Variants in SFMBT2 observed in about 807,000 individuals in gnomAD.
SFMBT2 encodes scm-like with four MBT domains protein 2.
A neutral mutation model predicts 110.1 loss-of-function variants in SFMBT2; 38 were observed. That is an observed-to-expected ratio of 0.35 (90% confidence interval 0.27 to 0.45). The LOEUF (loss-of-function observed/expected upper bound fraction) is 0.45. SFMBT2 is among the 20% of genes least tolerant of loss of function. The probability of loss-of-function intolerance (pLI) is 1.00; values close to 1 mark genes in which losing one functional copy is unlikely to be tolerated. For missense variants in SFMBT2, 1,011 were observed against 1,094.9 expected (o/e 0.92, Z 1.08); for synonymous variants, 425 against 425.4 (o/e 1.00, Z 0.01).
At chr10:7,353,961 C>T (rs949803807) in intron 4 of SFMBT2, among the ~76,000 whole-genome samples, 9 of 151,774 alleles carry the variant, frequency 5.9e-5, no homozygotes, top group Middle Eastern at 6.8e-3. Flanking sequence ...GTGGTGCGTG[C>T]GTGTAATCTC....
Position 7,176,162 on chromosome 10 carries a change from G to A in SFMBT2, c.1812C>T (p.Tyr604=). The change falls in exon 17 of 21, where the codon TAC becomes TAT. Residue 604 remains tyrosine, a synonymous_variant. Transcript: ENST00000397167. The part of the protein sequence containing the change: ...NFQEETLKAK[Y]RGKTYRAVVK... ...CCACAGCCCTGTATGTTTTGCCTCT[G>A]TATCTAGAAAATAGGTGGGGAAGAA... 6.2e-7 allele frequency: 1 copy of A among 1,614,126 alleles called. No homozygotes were observed. Among genetic ancestry groups the A allele is most frequent in the Non-Finnish European group, 8.5e-7 (1 of 1,180,010 alleles).
At chr10:7,406,277 G>T (rs1328733963) in intron 1 of SFMBT2, among the ~76,000 whole-genome samples, 1 of 152,080 alleles carries the variant, frequency 6.6e-6, no homozygotes, top group Non-Finnish European at 1.5e-5. Context: ...AGAAAACTCT[G>T]ATAATCTGAC....
intron 4 of SFMBT2, among the ~76,000 whole-genome samples, chr10:7,363,537 G>A (rs541329070): frequency 3.9e-5 from 6 of 152,040 alleles, no homozygotes; most frequent in Non-Finnish European, 5.9e-5. Context: ...TAGTAGAGAC[G>A]GAGTTTCACC....
At chr10:7,277,911 A>G (rs1422044960) in intron 6 of SFMBT2, among the ~76,000 whole-genome samples, 1 of 152,234 alleles carries the variant, frequency 6.6e-6, no homozygotes, top group Non-Finnish European at 1.5e-5. Context: ...TTTAGCATGA[A>G]GCGATCTATT....
intron 4 of SFMBT2, among the ~76,000 whole-genome samples, chr10:7,298,647 ATATG>A (rs1842475044): frequency 6.6e-6 from 1 of 152,124 alleles, no homozygotes; most frequent in African/African-American, 2.4e-5. Flanking sequence ...ATGTGTATGT[ATATG>A]TGTGTATGTA....
chr10:7,393,076 A>G (rs1357663909), intron 1 of SFMBT2, among the ~76,000 whole-genome samples: 4 of 140,862 alleles, frequency 2.8e-5, no homozygotes, highest in Non-Finnish European at 6.1e-5. Flanking sequence ...TCCGTCGCCC[A>G]GGCTGGAATG....
At chr10:7,238,757 G>A (rs371549591) in intron 9 of SFMBT2, among the ~76,000 whole-genome samples, 11 of 152,176 alleles carry the variant, frequency 7.2e-5, no homozygotes, top group African/African-American at 2.6e-4. Context: ...AAAGTTCCTG[G>A]GTGGAACTTT....
At chr10:7,201,413 A>G (rs1187627046) in intron 13 of SFMBT2, among the ~76,000 whole-genome samples, 1 of 152,176 alleles carries the variant, frequency 6.6e-6, no homozygotes, top group Admixed American at 6.5e-5. Context: ...GGAGTGATGG[A>G]TTCAAGTTTG....
chr10:7,243,681 CT>C lies in SFMBT2; in HGVS notation c.996del (p.Val333Ter). ...VTKVFNNHFFQVTIDDLRPEP... is the reference protein window; with the variant it reads ...VTKVFNNHFFXVTIDDLRPEP... ...TCAGGTCTTAGGTCATCAATAGTCA[CT>C]TGAAAAAAGTGATTGTTAAAAACCT... On this transcript the variant is annotated frameshift_variant, in exon 9 of 21. Coordinates refer to ENST00000397167, the MANE Select transcript of SFMBT2 (RefSeq NM_001387889.1). LOFTEE classifies it high-confidence loss of function. The C allele has an allele frequency of 2.3e-6, 2 of 871,800 alleles. No individual in the cohort carries two copies. Among genetic ancestry groups the C allele is most frequent in the Admixed American group, 1.7e-5 (1 of 58,932 alleles). The allele number at this position is 871,800 out of a possible 1,614,324, so 54.0% of individuals were successfully genotyped here.
chr10:7,177,230 C>T (rs76426831), intron 16 of SFMBT2, among the ~76,000 whole-genome samples: 2,879 of 152,274 alleles, frequency 0.019, 91 homozygotes, highest in African/African-American at 0.066. Flanking sequence ...AAGGAGAATG[C>T]ACGCTGGAAT....
At chr10:7,238,026 G>C (rs770413847) in intron 9 of SFMBT2, among the ~76,000 whole-genome samples, 1 of 152,228 alleles carries the variant, frequency 6.6e-6, no homozygotes, top group East Asian at 1.9e-4. Flanking sequence ...GGACAGGGCA[G>C]TGGAAGTCAG....
intron 1 of SFMBT2, among the ~76,000 whole-genome samples, chr10:7,406,911 G>A (rs1296776280): frequency 6.6e-6 from 1 of 151,992 alleles, no homozygotes; most frequent in East Asian, 1.9e-4. Context: ...CCCCGGCTCG[G>A]GGCAGTGTTC....
At chr10:7,261,106 G>A (rs907374139) in intron 7 of SFMBT2, among the ~76,000 whole-genome samples, 3 of 152,032 alleles carry the variant, frequency 2.0e-5, no homozygotes, top group African/African-American at 7.2e-5. Flanking sequence ...TGTGCCTCTC[G>A]AGTCAGGTTA....
At chr10:7,238,562 T>C (rs1840333793) in intron 9 of SFMBT2, among the ~76,000 whole-genome samples, 1 of 152,196 alleles carries the variant, frequency 6.6e-6, no homozygotes. Flanking sequence ...CGACTTACGG[T>C]TCCCTGCTTT....
chr10:7,295,816 T>C (rs1419942818), intron 4 of SFMBT2, among the ~76,000 whole-genome samples: 2 of 152,194 alleles, frequency 1.3e-5, no homozygotes, highest in African/African-American at 2.4e-5. Context: ...TGCTGTATGA[T>C]TAGCCCCTTA....
chr10:7,194,048 A>G (rs1588788638), intron 15 of SFMBT2, among the ~76,000 whole-genome samples: 1 of 151,952 alleles, frequency 6.6e-6, no homozygotes, highest in African/African-American at 2.4e-5. Context: ...TAACAACTCC[A>G]CCCTCCATGC....
chr10:7,240,339 A>G (rs909837869), intron 9 of SFMBT2, among the ~76,000 whole-genome samples: 1 of 152,182 alleles, frequency 6.6e-6, no homozygotes, highest in Non-Finnish European at 1.5e-5. Flanking sequence ...CAGTTCATAG[A>G]GACGTCCCTC....
intron 11 of SFMBT2, 47 bp downstream of exon 11, chr10:7,220,364 A>T (rs1319465526): frequency 3.2e-6 from 5 of 1,581,806 alleles, no homozygotes; most frequent in Non-Finnish European, 4.3e-6. Context: ...CCATTTCGAC[A>T]AACTCTACAT....
intron 11 of SFMBT2, among the ~76,000 whole-genome samples, chr10:7,210,478 T>C (rs1000343783): frequency 7.9e-5 from 12 of 152,156 alleles, no homozygotes; most frequent in Middle Eastern, 3.2e-3. Context: ...GGGTTCCACC[T>C]CCTTCAGGAA....
Sources: allele counts gnomAD v4.1 joint callset (sites outside exome capture counted in the v4.1 genomes callset), GRCh38; gene constraint gnomAD v4.1.1; transcripts MANE v1.5; gene names NCBI Gene and HGNC (gene_info 2026-07-23, HGNC 2026-07-21).